CDH18: variants seen among roughly 807,000 people sequenced by gnomAD.
CDH18 encodes cadherin-18.
Under a neutral mutation model 67.9 loss-of-function variants are expected in CDH18, and 31 were observed. That is an observed-to-expected ratio of 0.46 (90% CI 0.34 to 0.62). CDH18 has a LOEUF of 0.62. CDH18 is among the 20% of genes least tolerant of loss of function. The pLI is 0.01. For synonymous variants in CDH18, 362 were observed against 347.2 expected (o/e 1.04, Z -0.48); for missense variants, 890 against 975.5 (o/e 0.91, Z 1.17).
At position 20,241,905 on chromosome 5, in the gene CDH18, T is replaced by TATATAA. The variant is rs369967608; in HGVS notation, c.-518+13538_-518+13539insTTATAT. 2.3e-3 allele frequency among the ~76,000 whole-genome samples: 323 copies of TATATAA among 141,380 alleles called. 3 individuals carry two copies. Among genetic ancestry groups the TATATAA allele is most frequent in the African/African-American group, 8.1e-3 (289 of 35,878 alleles). The allele number at this position is 141,380 out of a possible 152,430, so 92.8% of individuals were successfully genotyped here. On this transcript the variant is annotated intron_variant, in intron 2 of 14. Coordinates refer to the CDH18 transcript ENST00000507958. ...ATATATATATATGTATATATATATA[T>TATATAA]ATATTGCTTAGTCAGAGGCACTGTG...
Position 20,305,335 on chromosome 5 carries a change from A to T in CDH18, c.-579-49830T>A, listed in dbSNP as rs554385050. 296 of 1,573,740 alleles carry T rather than the reference A, an allele frequency of 1.9e-4. 4 individuals are homozygous for T. In the South Asian group the frequency reaches 2.9e-3, roughly 15 times the overall value. ...AACATTTCTGCGCTTTGCTTTCTTT[A>T]TGGCTCTATTCTTCAAGACTTCCTC... On this transcript the variant is annotated intron_variant, in intron 1 of 14. Coordinates refer to the CDH18 transcript ENST00000507958.
chr5:20,406,236 C>T lies in CDH18; in HGVS notation c.-579-150731G>A, dbSNP rs367607662. 7.6e-3 allele frequency among the ~76,000 whole-genome samples: 1,151 copies of T among 152,142 alleles called. 12 individuals carry two copies. Among genetic ancestry groups the T allele is most frequent in the African/African-American group, 0.026 (1,098 of 41,504 alleles). On this transcript the variant is annotated intron_variant, in intron 1 of 14. Coordinates refer to the CDH18 transcript ENST00000507958. ...AAGAAAATGTGGCACATATACACCACGGAATACTATGCAGCCATAAAAAAG... is the reference window on the plus strand; with the variant it reads ...AAGAAAATGTGGCACATATACACCATGGAATACTATGCAGCCATAAAAAAG...
intron 1 of CDH18, among the ~76,000 whole-genome samples, chr5:20,395,090 G>T (rs1173295445): frequency 6.6e-6 from 1 of 152,076 alleles, no homozygotes. Flanking sequence ...CTATGACTGG[G>T]TATCTACCCA....
chr5:20,167,583 T>C (rs184995263), intron 2 of CDH18, among the ~76,000 whole-genome samples: 12 of 152,188 alleles, frequency 7.9e-5, no homozygotes, highest in African/African-American at 2.9e-4. Context: ...ATGGCGTTAG[T>C]TTGGGTACGG....
At chr5:19,612,315 A>T in intron 6 of CDH18, 119 bp downstream of exon 6, 1 of 902,254 alleles carries the variant, frequency 1.1e-6, no homozygotes, top group Non-Finnish European at 1.7e-6. Context: ...GTGATCATAT[A>T]GTACAAAAAC....
intron 1 of CDH18, among the ~76,000 whole-genome samples, chr5:20,385,831 A>T (rs1744269825): frequency 6.6e-6 from 1 of 152,224 alleles, no homozygotes; most frequent in Non-Finnish European, 1.5e-5. Flanking sequence ...TAACTATATG[A>T]ATATCCCATA....
chr5:19,892,660 T>C (rs1788905175), intron 2 of CDH18, among the ~76,000 whole-genome samples: 1 of 152,082 alleles, frequency 6.6e-6, no homozygotes, highest in Non-Finnish European at 1.5e-5. Flanking sequence ...TTGTGTTCTC[T>C]TGGATTGTTC....
At chr5:19,648,015 C>T (rs543577935) in intron 5 of CDH18, among the ~76,000 whole-genome samples, 40 of 152,030 alleles carry the variant, frequency 2.6e-4, no homozygotes, top group Non-Finnish European at 4.9e-4. Flanking sequence ...GTTTTCAAGA[C>T]AATTGAAGGC....
At chr5:20,241,981 A>G (rs747422621) in intron 2 of CDH18, among the ~76,000 whole-genome samples, 1 of 151,070 alleles carries the variant, frequency 6.6e-6, no homozygotes, top group Non-Finnish European at 1.5e-5. Flanking sequence ...AAATAGGCAT[A>G]AAAAGTTGAG....
intron 2 of CDH18, among the ~76,000 whole-genome samples, chr5:20,213,295 G>A (rs748474319): frequency 6.6e-6 from 1 of 152,060 alleles, no homozygotes; most frequent in African/African-American, 2.4e-5. Context: ...TGTCTTATAC[G>A]GGCACAGATT....
intron 5 of CDH18, among the ~76,000 whole-genome samples, chr5:19,623,776 T>C (rs978862544): frequency 5.3e-5 from 8 of 151,424 alleles, no homozygotes; most frequent in African/African-American, 1.9e-4. Context: ...AAAACACTAC[T>C]ATATAAGTAT....
At chr5:20,504,983 G>T (rs1482864736) in intron 1 of CDH18, among the ~76,000 whole-genome samples, 1 of 151,876 alleles carries the variant, frequency 6.6e-6, no homozygotes, top group Non-Finnish European at 1.5e-5. Context: ...TAGCCAGGAT[G>T]GTCTCGATCT....
chr5:20,288,651 A>G (rs1192665438), intron 1 of CDH18, among the ~76,000 whole-genome samples: 4 of 151,868 alleles, frequency 2.6e-5, no homozygotes, highest in African/African-American at 9.7e-5. Context: ...AAGAGTGATA[A>G]GAAGAGGAAA....
intron 2 of CDH18, among the ~76,000 whole-genome samples, chr5:19,850,021 T>C (rs904474899): frequency 2.0e-5 from 3 of 151,874 alleles, no homozygotes; most frequent in Non-Finnish European, 4.4e-5. Flanking sequence ...TGAATCATGA[T>C]GCTTTTGTAA....
chr5:19,832,834 T>C (rs1387369910), intron 3 of CDH18, among the ~76,000 whole-genome samples: 3 of 152,108 alleles, frequency 2.0e-5, no homozygotes, highest in Non-Finnish European at 4.4e-5. Context: ...GATCAGATGG[T>C]TGCAGATGTG....
At chr5:20,418,135 G>T (rs561789060) in intron 1 of CDH18, among the ~76,000 whole-genome samples, 1 of 151,976 alleles carries the variant, frequency 6.6e-6, no homozygotes, top group African/African-American at 2.4e-5. Context: ...GAGTGCAGTG[G>T]CGCAATCTTG....
chr5:19,550,233 C>T (rs919306695), intron 8 of CDH18, among the ~76,000 whole-genome samples: 1 of 152,028 alleles, frequency 6.6e-6, no homozygotes, highest in Admixed American at 6.6e-5. Flanking sequence ...CCCTTATTCA[C>T]CATGTTAGAC....
intron 9 of CDH18, among the ~76,000 whole-genome samples, chr5:19,532,738 TG>T (rs978747142): frequency 2.6e-5 from 4 of 152,116 alleles, no homozygotes; most frequent in African/African-American, 9.7e-5. Context: ...CGAACTGCGG[TG>T]GAAGTGAGAT....
At chr5:20,294,593 T>C (rs765914972) in intron 1 of CDH18, among the ~76,000 whole-genome samples, 1 of 152,194 alleles carries the variant, frequency 6.6e-6, no homozygotes, top group Non-Finnish European at 1.5e-5. Context: ...TACTATATTG[T>C]TTCATTTAAA....
Sources: allele counts gnomAD v4.1 joint callset (sites outside exome capture counted in the v4.1 genomes callset), GRCh38; gene constraint gnomAD v4.1.1; transcripts MANE v1.5; gene names NCBI Gene and HGNC (gene_info 2026-07-23, HGNC 2026-07-21).